The following RASSF9 variants were observed in gnomAD, a reference collection of about 807,000 sequenced individuals.
The protein encoded by RASSF9 is ras association domain-containing protein 9.
Under a neutral mutation model 21.4 loss-of-function variants are expected in RASSF9, and 18 were observed. The observed-to-expected ratio is 0.84, with a 90% CI of 0.58 to 1.25. RASSF9 has a LOEUF of 1.25. RASSF9 is among the 50% of genes most tolerant of loss of function. The pLI, the probability that RASSF9 is intolerant of heterozygous loss-of-function variation, is 0.00. For synonymous variants in RASSF9, 183 were observed against 179.1 expected, an observed-to-expected ratio of 1.02 and a Z score of -0.18; for missense variants, 480 against 503.2, an observed-to-expected ratio of 0.95 and a Z score of 0.44.
At chr12:85,809,863 A>C (rs1223743240) in intron 1 of RASSF9, among the ~76,000 whole-genome samples, 1 of 151,986 alleles carries the variant, frequency 6.6e-6, no homozygotes, top group East Asian at 1.9e-4. Context: ...ATCATCATGC[A>C]CATTGGTTCT....
At position 85,805,343 on chromosome 12, in the gene RASSF9, C is replaced by T. The variant is rs776423686; in HGVS notation, c.667G>A (p.Val223Ile). The T allele has an allele frequency of 6.2e-7, 1 of 1,613,458 alleles. No individual in the cohort carries two copies. The highest frequency in any genetic ancestry group is 1.7e-5 in the Admixed American group (1 of 59,994). ...ACATAGTTTTCTCCATCATTTTCTA[C>T]TCGATCAAGATGGAACTTAGCTTCA... ...KCEAKFHLDR[V>I]ENDGENYVQD... The change falls in exon 2 of 2, where the codon GTA becomes ATA. Residue 223 changes from valine (V) to isoleucine (I), a missense_variant. Transcript: ENST00000361228.
At chr12:85,827,021 G>A (rs1353648560) in intron 1 of RASSF9, among the ~76,000 whole-genome samples, 3 of 151,654 alleles carry the variant, frequency 2.0e-5, no homozygotes, top group African/African-American at 4.8e-5. Context: ...TTAGATTCTA[G>A]TATAGACGCT....
chr12:85,804,640 G>C lies in RASSF9; in HGVS notation c.*62C>G. On this transcript the variant is annotated 3_prime_UTR_variant, in exon 2 of 2. Coordinates refer to ENST00000361228, the MANE Select transcript of RASSF9 (RefSeq NM_005447.4). ...TTTTGAGTGTTATATTTAAAATGAGGTTTCCTATTAAATTAAACAAACATT... is the reference window on the plus strand; with the variant it reads ...TTTTGAGTGTTATATTTAAAATGAGCTTTCCTATTAAATTAAACAAACATT... The C allele has an allele frequency of 7.1e-7, 1 of 1,407,440 alleles. No individual in the cohort carries two copies. Among genetic ancestry groups the C allele is most frequent in the Non-Finnish European group, 9.6e-7 (1 of 1,046,412 alleles). 87.2% of individuals were successfully genotyped at this position (1,407,440 alleles called of 1,614,324 possible). A position where few individuals can be genotyped will look rare whatever the true frequency, so the allele number is the denominator to read the frequency against.
At position 85,805,610 on chromosome 12, in the gene RASSF9, C is replaced by T. The variant is rs1212318409; in HGVS notation, c.400G>A (p.Val134Met). 2 of 1,613,948 alleles carry T rather than the reference C, an allele frequency of 1.2e-6. No homozygotes were observed. Among genetic ancestry groups the T allele is most frequent in the Non-Finnish European group, 1.7e-6 (2 of 1,179,892 alleles). The change falls in exon 2 of 2, where the codon GTG becomes ATG. Residue 134 changes from valine (V) to methionine (M), a missense_variant. Coordinates refer to ENST00000361228, the MANE Select transcript of RASSF9 (RefSeq NM_005447.4). ...TCCCACAATTTTTCTGTGTTTTGCA[C>T]TAATTTGGCTTCAGCTGTCCGCCAC... Reference protein sequence around the residue: ...PLWRTAEAKLVQNTEKLWELS... With the variant: ...PLWRTAEAKLMQNTEKLWELS...
At chr12:85,824,205 CA>C (rs1424882966) in intron 1 of RASSF9, among the ~76,000 whole-genome samples, 2 of 152,128 alleles carry the variant, frequency 1.3e-5, no homozygotes, top group African/African-American at 4.8e-5. Flanking sequence ...TCTAAAATAT[CA>C]AACTATTCCA....
chr12:85,824,688 G>A (rs997434603), intron 1 of RASSF9, among the ~76,000 whole-genome samples: 26 of 152,102 alleles, frequency 1.7e-4, no homozygotes, highest in African/African-American at 6.3e-4. Flanking sequence ...TCATAGCCAA[G>A]CATTAATTAA....
chr12:85,815,281 C>A (rs1260073875), intron 1 of RASSF9, among the ~76,000 whole-genome samples: 1 of 152,008 alleles, frequency 6.6e-6, no homozygotes, highest in East Asian at 1.9e-4. Flanking sequence ...TAAAATTAAA[C>A]TGAATATAAT....
Position 85,821,100 on chromosome 12 carries a change from C to T in RASSF9, c.47+15055G>A, listed in dbSNP as rs565425639. 3.9e-4 allele frequency among the ~76,000 whole-genome samples: 59 copies of T among 151,680 alleles called. No homozygotes were observed. In the South Asian group the frequency reaches 4.6e-3, roughly 12 times the overall value. ...TAGACGTTGCAGTGAGCCAAGATGG[C>T]GCCACTGCACTCCAGCCTGGCAACA... is the stretch of plus-strand genomic sequence containing the variant. On this transcript the variant is annotated intron_variant, in intron 1 of 1. Coordinates refer to ENST00000361228, the MANE Select transcript of RASSF9 (RefSeq NM_005447.4).
chr12:85,822,567 T>G (rs531633293), intron 1 of RASSF9, among the ~76,000 whole-genome samples: 2 of 152,320 alleles, frequency 1.3e-5, no homozygotes, highest in African/African-American at 2.4e-5. Flanking sequence ...AAAGGAGAGA[T>G]ATTATTCTTG....
rs889980829 is a variant in RASSF9 at position 85,800,803 on chromosome 12, C to G, written c.*3899G>C. ...CATCATGTTTATTAAACCAATCAGG[C>G]AGTATGAAAAGAAATAGCCTAGTAT... On this transcript the variant is annotated 3_prime_UTR_variant, in exon 2 of 2. Transcript: ENST00000361228. 1 of 151,648 alleles carries G rather than the reference C, an allele frequency of 6.6e-6. No individual in the cohort carries two copies. The highest frequency in any genetic ancestry group is 1.5e-5 in the Non-Finnish European group (1 of 67,856). 9.4% of individuals were successfully genotyped at this position (151,648 alleles called of 1,614,324 possible). A position where few individuals can be genotyped will look rare whatever the true frequency, so the allele number is the denominator to read the frequency against.
intron 1 of RASSF9, among the ~76,000 whole-genome samples, chr12:85,818,905 G>A (rs958641396): frequency 6.9e-6 from 1 of 143,960 alleles, no homozygotes; most frequent in Non-Finnish European, 1.5e-5. Context: ...CTTGCAGTGA[G>A]CTGATATCGC....
At chr12:85,814,898 TGTGGATGACATGACATACTCAGAATG>T (rs1880027215) in intron 1 of RASSF9, among the ~76,000 whole-genome samples, 1 of 152,180 alleles carries the variant, frequency 6.6e-6, no homozygotes, top group Admixed American at 6.6e-5. Flanking sequence ...AAAGAAGATG[TGTGGATGACATGACATACTCAGAATG>T]GTGGAGACCC....
chr12:85,820,681 A>C (rs1880187071), intron 1 of RASSF9, among the ~76,000 whole-genome samples: 1 of 152,210 alleles, frequency 6.6e-6, no homozygotes, highest in South Asian at 2.1e-4. Context: ...ATTCTATTAA[A>C]ATGCTGATGG....
At chr12:85,834,971 C>T (rs973824315) in intron 1 of RASSF9, among the ~76,000 whole-genome samples, 1 of 151,934 alleles carries the variant, frequency 6.6e-6, no homozygotes, top group African/African-American at 2.4e-5. Context: ...ATAAAGCTTA[C>T]TTAGAAACTT....
chr12:85,824,221 C>A (rs1436616370), intron 1 of RASSF9, among the ~76,000 whole-genome samples: 1 of 152,130 alleles, frequency 6.6e-6, no homozygotes, highest in Non-Finnish European at 1.5e-5. Context: ...ATTCCATTGC[C>A]TGAGTTCCCA....
intron 1 of RASSF9, among the ~76,000 whole-genome samples, chr12:85,831,091 C>T (rs1458542684): frequency 6.6e-6 from 1 of 151,960 alleles, no homozygotes; most frequent in Non-Finnish European, 1.5e-5. Flanking sequence ...AAAGAGATTC[C>T]TTGTCAAGGA....
At chr12:85,829,566 T>C (rs1210770482) in intron 1 of RASSF9, among the ~76,000 whole-genome samples, 1 of 152,130 alleles carries the variant, frequency 6.6e-6, no homozygotes, top group Non-Finnish European at 1.5e-5. Context: ...GATTATCATA[T>C]GTGAGTCAGT....
chr12:85,805,078 T>C lies in RASSF9; in HGVS notation c.932A>G (p.Glu311Gly), dbSNP rs747562785. Residue 311 changes from glutamate (E) to glycine (G), a missense_variant, in exon 2 of 2, where the codon GAA (glutamate) becomes GGA (glycine). Physicochemically the swap from Glu to Gly is moderately conservative, Grantham distance 98. Transcript: ENST00000361228. ...DAEGEAASEL[E>G]SSNLESVKCD... is the part of the protein sequence containing the mutation. ...CTTAACACTCTCTAAATTAGAGCTT[T>C]CCAGTTCACTTGCAGCTTCCCCTTC... 1 of 1,613,998 alleles carries C rather than the reference T, an allele frequency of 6.2e-7. No individual in the cohort carries two copies. The highest frequency in any genetic ancestry group is 8.5e-7 in the Non-Finnish European group (1 of 1,179,890).
intron 1 of RASSF9, among the ~76,000 whole-genome samples, chr12:85,807,271 G>T (rs144403403): frequency 7.2e-4 from 110 of 152,232 alleles, no homozygotes; most frequent in Admixed American, 3.5e-3. Flanking sequence ...TAGCAGAGTT[G>T]GAAATTGCTG....
Sources: allele counts gnomAD v4.1 joint callset (sites outside exome capture counted in the v4.1 genomes callset), GRCh38; gene constraint gnomAD v4.1.1; transcripts MANE v1.5; gene names NCBI Gene and HGNC (gene_info 2026-07-23, HGNC 2026-07-21).